The following EXOC4 variants were observed in gnomAD, a reference collection of about 807,000 sequenced individuals.
EXOC4 encodes SEC8-like 1.
In EXOC4, 71 loss-of-function variants were observed where a neutral mutation model predicts 107.2. The observed-to-expected ratio is 0.66, with a 90% CI of 0.55 to 0.81. EXOC4 has a LOEUF of 0.81. EXOC4 is among the 30% of genes least tolerant of loss of function. The pLI is 0.00. For missense variants in EXOC4, 1,108 were observed against 1,189.6 expected (o/e 0.93, Z 1.01); for synonymous variants, 456 against 441.2 (o/e 1.03, Z -0.42).
chr7:134,095,572 A>G, the EXOC4 span, among the ~76,000 whole-genome samples: 1 of 152,176 alleles, frequency 6.6e-6, no homozygotes, highest in Non-Finnish European at 1.5e-5. Flanking sequence ...TTCAAATTAT[A>G]CTATAAGGCT....
rs10265832 is a variant in EXOC4 at position 133,430,760 on chromosome 7, G to C, written c.1183-44568G>C. ...TGGGCATATTATTTGAAATGTAACT[G>C]ATTTACTAAGAAAAAATAGTTTTAC... On this transcript the variant is annotated intron_variant, in intron 7 of 17. Coordinates refer to ENST00000253861, the MANE Select transcript of EXOC4 (RefSeq NM_021807.4). Among the ~76,000 whole-genome samples the C allele has an allele frequency of 1.4e-3, 218 of 152,218 alleles. 2 individuals carry two copies. Among genetic ancestry groups the C allele is most frequent in the African/African-American group, 4.9e-3 (203 of 41,524 alleles).
intron 14 of EXOC4, among the ~76,000 whole-genome samples, chr7:133,957,926 C>T (rs987677109): frequency 1.3e-5 from 2 of 152,208 alleles, no homozygotes; most frequent in Non-Finnish European, 1.5e-5. Flanking sequence ...GTTAGCACTA[C>T]GATTCCTTTT....
chr7:133,913,769 G>C (rs565005410), intron 12 of EXOC4, among the ~76,000 whole-genome samples: 34 of 152,278 alleles, frequency 2.2e-4, no homozygotes, highest in Admixed American at 6.5e-4. Context: ...AGAAGAGAGG[G>C]CTGCCCTAGA....
At chr7:134,096,204 G>C in the EXOC4 span, among the ~76,000 whole-genome samples, 1 of 152,310 alleles carries the variant, frequency 6.6e-6, no homozygotes, top group East Asian at 1.9e-4. Flanking sequence ...CTAATCATCA[G>C]AGAGGTGCAA....
At chr7:133,804,301 T>G (rs1176901941) in intron 10 of EXOC4, among the ~76,000 whole-genome samples, 1 of 152,082 alleles carries the variant, frequency 6.6e-6, no homozygotes, top group East Asian at 1.9e-4. Context: ...AATAGAAAAG[T>G]TTAAGGGACA....
chr7:134,014,691 G>A (rs1794859643), intron 17 of EXOC4, among the ~76,000 whole-genome samples: 1 of 152,030 alleles, frequency 6.6e-6, no homozygotes, highest in Admixed American at 6.5e-5. Context: ...AAACTAGATT[G>A]TGCTGATGGT....
At chr7:133,364,653 T>G (rs908570197) in intron 6 of EXOC4, among the ~76,000 whole-genome samples, 9 of 152,278 alleles carry the variant, frequency 5.9e-5, no homozygotes, top group African/African-American at 2.2e-4. Context: ...CTTAGTTGAT[T>G]CTTATGCACA....
At chr7:133,299,410 A>G (rs1563008144) in intron 3 of EXOC4, among the ~76,000 whole-genome samples, 2 of 151,410 alleles carry the variant, frequency 1.3e-5, no homozygotes, top group East Asian at 1.9e-4. Context: ...TAGGAGGGGA[A>G]AAAAAAGATT....
intron 7 of EXOC4, among the ~76,000 whole-genome samples, chr7:133,394,165 A>C (rs1200962684): frequency 6.6e-6 from 1 of 152,250 alleles, no homozygotes; most frequent in Non-Finnish European, 1.5e-5. Flanking sequence ...GTGCATAGAT[A>C]ATATCATTTC....
chr7:133,578,290 ACT>A (rs1204814921), intron 9 of EXOC4, among the ~76,000 whole-genome samples: 1 of 151,970 alleles, frequency 6.6e-6, no homozygotes, highest in Non-Finnish European at 1.5e-5. Flanking sequence ...TAAAAAGAAG[ACT>A]CTTTTCACTT....
intron 11 of EXOC4, among the ~76,000 whole-genome samples, chr7:133,880,427 G>C (rs1798941118): frequency 6.6e-6 from 1 of 151,972 alleles, no homozygotes; most frequent in African/African-American, 2.4e-5. Context: ...AGGGTGTTGG[G>C]GATATTTCTT....
At chr7:133,961,240 GC>G (rs1236475863) in intron 14 of EXOC4, among the ~76,000 whole-genome samples, 1 of 146,340 alleles carries the variant, frequency 6.8e-6, no homozygotes, top group Non-Finnish European at 1.5e-5. Context: ...CACCCCTAGA[GC>G]CTCTGACACT....
rs754719621 is a variant in EXOC4 at position 133,896,654 on chromosome 7, T to A, written c.1871+919T>A. On this transcript the variant is annotated intron_variant, in intron 12 of 17. Coordinates refer to ENST00000253861, the MANE Select transcript of EXOC4 (RefSeq NM_021807.4). ...GTTGCCCCCTATTTTATTTTATTTA[T>A]TTTATTTATTTATTTATTCATTTAT... Among the ~76,000 whole-genome samples the A allele has an allele frequency of 6.0e-5, 8 of 132,684 alleles. No individual in the cohort carries two copies. In the Middle Eastern group the frequency reaches 0.014, roughly 235 times the overall value. 87.0% of individuals were successfully genotyped at this position (132,684 alleles called of 152,430 possible). A position where few individuals can be genotyped will look rare whatever the true frequency, so the allele number is the denominator to read the frequency against.
chr7:133,701,312 T>C (rs971656066), intron 10 of EXOC4, among the ~76,000 whole-genome samples: 1 of 152,170 alleles, frequency 6.6e-6, no homozygotes, highest in Non-Finnish European at 1.5e-5. Context: ...AAGCATAATA[T>C]TGCCTTAAAT....
chr7:133,556,001 G>A (rs551326268), intron 9 of EXOC4, among the ~76,000 whole-genome samples: 1 of 152,134 alleles, frequency 6.6e-6, no homozygotes. Flanking sequence ...CTTGTCACCA[G>A]CTATGTTCTT....
chr7:133,559,957 T>G (rs1283032518), intron 9 of EXOC4, among the ~76,000 whole-genome samples: 6 of 152,184 alleles, frequency 3.9e-5, no homozygotes, highest in African/African-American at 1.4e-4. Context: ...TAATTCTTCT[T>G]TAGAAAAATT....
At chr7:133,878,127 A>T (rs534406377) in intron 11 of EXOC4, among the ~76,000 whole-genome samples, 11 of 152,346 alleles carry the variant, frequency 7.2e-5, no homozygotes, top group Admixed American at 2.6e-4. Context: ...CTTCATTATC[A>T]TTAATGCATT....
intron 11 of EXOC4, among the ~76,000 whole-genome samples, chr7:133,848,446 C>T (rs372457785): frequency 6.6e-6 from 1 of 152,200 alleles, no homozygotes; most frequent in Non-Finnish European, 1.5e-5. Flanking sequence ...ACTTTCCCAG[C>T]CTCTGAATCT....
chr7:133,574,714 A>G (rs1037473483), intron 9 of EXOC4, among the ~76,000 whole-genome samples: 1 of 152,180 alleles, frequency 6.6e-6, no homozygotes, highest in Non-Finnish European at 1.5e-5. Flanking sequence ...TGTGAATATC[A>G]TACTTACACC....
Sources: allele counts gnomAD v4.1 joint callset (sites outside exome capture counted in the v4.1 genomes callset), GRCh38; gene constraint gnomAD v4.1.1; transcripts MANE v1.5; gene names NCBI Gene and HGNC (gene_info 2026-07-23, HGNC 2026-07-21).